The following USH1C variants were observed in gnomAD, a reference collection of about 807,000 sequenced individuals.
USH1C encodes the protein USH1 protein network component harmonin.
Under a neutral mutation model 119.3 loss-of-function variants are expected in USH1C, and 90 were observed. The observed-to-expected ratio is 0.75, with a 90% CI of 0.64 to 0.90. The LOEUF (loss-of-function observed/expected upper bound fraction) is 0.90, where lower values mean the gene tolerates loss of function less well. USH1C is among the 40% of genes least tolerant of loss of function. USH1C has a pLI of 0.00. For missense variants in USH1C, 1,165 were observed against 1,167.7 expected (o/e 1.00, Z 0.03); for synonymous variants, 465 against 443.3 (o/e 1.05, Z -0.62).
chr11:17,494,591 G>T lies in USH1C; in HGVS notation c.2656-215C>A, dbSNP rs991351391. 40 of 619,112 alleles carry T rather than the reference G, an allele frequency of 6.5e-5. No individual in the cohort carries two copies. The African/African-American group carries it at 6.7e-4, about 10-fold the overall frequency. The allele number at this position is 619,112 out of a possible 1,614,324, so 38.4% of individuals were successfully genotyped here. A position where few individuals can be genotyped will look rare whatever the true frequency, so the allele number is the denominator to read the frequency against. On this transcript the variant is annotated intron_variant, in intron 26 of 26. Coordinates refer to ENST00000005226, the MANE Select transcript of USH1C (RefSeq NM_153676.4). ...CAGGGAGAAAGCGGGAGGGACACCT[G>T]GGATGGGGGAAGGAGGAGACTGGGA...
intron 7 of USH1C, 94 bp downstream of exon 7, chr11:17,526,659 G>T: frequency 7.2e-7 from 1 of 1,397,990 alleles, no homozygotes; most frequent in African/African-American, 1.4e-5. Flanking sequence ...GCCCCTGAGG[G>T]TGCATCTCTA....
Position 17,501,885 on chromosome 11 carries a change from C to T in USH1C, c.2226+54G>A, listed in dbSNP as rs1398187922. 1.9e-6 allele frequency: 3 copies of T among 1,595,154 alleles called. No individual in the cohort carries two copies. In the East Asian group the frequency reaches 6.7e-5, roughly 36 times the overall value. On this transcript the variant is annotated intron_variant, in intron 21 of 26. Coordinates refer to ENST00000005226, the MANE Select transcript of USH1C (RefSeq NM_153676.4). Reference sequence around the variant, plus strand: ...CACCACTATCAAACCCTCTAACCCCCACACTGCCCTGTTCCTGGGGTTACT... The same window carrying T: ...CACCACTATCAAACCCTCTAACCCCTACACTGCCCTGTTCCTGGGGTTACT...
In USH1C at chr11:17,502,282, C is replaced by T. The variant is rs759238168; in HGVS notation, c.2185-302G>A. 1.6e-4 allele frequency among the ~76,000 whole-genome samples: 24 copies of T among 152,106 alleles called. 1 individual carries two copies. Among genetic ancestry groups the T allele is most frequent in the African/African-American group, 1.9e-4 (8 of 41,404 alleles). On this transcript the variant is annotated intron_variant, in intron 20 of 26. Coordinates refer to ENST00000005226, the MANE Select transcript of USH1C (RefSeq NM_153676.4). ...GTGACGTCTAGATGGTCTGGAGAGG[C>T]GGCATCTGCCTTGCTGAAAGTCTCA...
chr11:17,515,088 G>A (rs1415459722), intron 15 of USH1C, among the ~76,000 whole-genome samples: 1 of 138,414 alleles, frequency 7.2e-6, no homozygotes, highest in Admixed American at 7.4e-5. Flanking sequence ...TGTGTGTTTT[G>A]TCCTCTCTAG....
rs199572804 is a variant in USH1C at position 17,509,638 on chromosome 11, C to T, written c.1731G>A (p.Pro577=). 4.3e-5 allele frequency: 52 copies of T among 1,214,584 alleles called. No homozygotes were observed. The highest frequency in any genetic ancestry group is 9.3e-5 in the African/African-American group (4 of 43,010). The allele number at this position is 1,214,584 out of a possible 1,614,324, so 75.2% of individuals were successfully genotyped here. A position where few individuals can be genotyped will look rare whatever the true frequency, so the allele number is the denominator to read the frequency against. Residue 577 remains proline (P), a synonymous_variant, in exon 18 of 27, where the codon CCG becomes CCA. Coordinates refer to ENST00000005226, the MANE Select transcript of USH1C (RefSeq NM_153676.4). ...PPPSNPPHKV[P]APPVLPLSGH... Reference sequence around the variant, plus strand: ...CAGATAAGGGAAGGACAGGGGGCGCCGGGACCTTGTGGGGTGGGTTGGAGG... The same window carrying T: ...CAGATAAGGGAAGGACAGGGGGCGCTGGGACCTTGTGGGGTGGGTTGGAGG...
intron 11 of USH1C, 49 bp downstream of exon 11, chr11:17,523,162 G>A (rs1350668098): frequency 6.8e-6 from 11 of 1,612,282 alleles, no homozygotes; most frequent in East Asian, 6.7e-5. Context: ...AGGTCAGAGG[G>A]GCTGGGGATG....
At chr11:17,543,184 C>T (rs1007736784) in intron 1 of USH1C, among the ~76,000 whole-genome samples, 3 of 152,256 alleles carry the variant, frequency 2.0e-5, no homozygotes, top group African/African-American at 4.8e-5. Flanking sequence ...GGCCCCTACA[C>T]TGGCTAGCTC....
At chr11:17,511,508 C>T (rs1032514117) in intron 16 of USH1C, among the ~76,000 whole-genome samples, 1 of 152,158 alleles carries the variant, frequency 6.6e-6, no homozygotes, top group African/African-American at 2.4e-5. Flanking sequence ...GAGGCCCAGC[C>T]TTAGACTCTG....
chr11:17,519,677 AC>A (rs1850328037), intron 14 of USH1C, among the ~76,000 whole-genome samples: 1 of 152,214 alleles, frequency 6.6e-6, no homozygotes, highest in African/African-American at 2.4e-5. Context: ...CTCAACTGAT[AC>A]TGAATGTCAC....
At chr11:17,521,279 G>A (rs1386451802) in intron 13 of USH1C, 67 bp downstream of exon 13, 1 of 1,551,372 alleles carries the variant, frequency 6.4e-7, no homozygotes, top group Non-Finnish European at 8.9e-7. Context: ...GGCAGCCTCT[G>A]GTTGGCCACA....
At chr11:17,536,114 CT>C (rs1315206472) in intron 1 of USH1C, among the ~76,000 whole-genome samples, 1 of 152,186 alleles carries the variant, frequency 6.6e-6, no homozygotes. Context: ...AATGGGACAT[CT>C]TTTGAATGAC....
intron 1 of USH1C, among the ~76,000 whole-genome samples, chr11:17,534,292 G>C (rs981039724): frequency 1.3e-5 from 2 of 152,226 alleles, no homozygotes; most frequent in Non-Finnish European, 2.9e-5. Flanking sequence ...CTCTTTCTGT[G>C]GGTATCCCAA....
At chr11:17,534,891 A>AAAC (rs1851169246) in intron 1 of USH1C, among the ~76,000 whole-genome samples, 2 of 146,936 alleles carry the variant, frequency 1.4e-5, no homozygotes, top group Non-Finnish European at 1.5e-5. Flanking sequence ...AAAAAAAAAA[A>AAAC]AGGAGCTCCC....
intron 22 of USH1C, 23 bp from the exon 23 acceptor site, chr11:17,501,173 T>C (rs1395596796): frequency 1.9e-6 from 3 of 1,587,048 alleles, no homozygotes; most frequent in African/African-American, 2.7e-5. Context: ...AAACAGGCCT[T>C]AGGGAGCCAA....
At chr11:17,520,416 C>G in intron 14 of USH1C, among the ~76,000 whole-genome samples, 1 of 152,098 alleles carries the variant, frequency 6.6e-6, no homozygotes, top group East Asian at 1.9e-4. Flanking sequence ...TAAGCTCCTC[C>G]CACAGTTATG....
chr11:17,516,766 G>C (rs1850166665), intron 14 of USH1C: 1 of 268,086 alleles, frequency 3.7e-6, no homozygotes, highest in Admixed American at 5.0e-5. Context: ...AAACTGGCTT[G>C]TCTCATAGTG....
intron 1 of USH1C, 146 bp downstream of exon 1, chr11:17,544,126 G>A: frequency 9.8e-7 from 1 of 1,024,288 alleles, no homozygotes; most frequent in African/African-American, 1.6e-5. Context: ...CCTGCTGCCA[G>A]CCAGACGACC....
intron 12 of USH1C, among the ~76,000 whole-genome samples, chr11:17,522,343 C>T (rs1269642663): frequency 2.6e-5 from 4 of 152,150 alleles, no homozygotes; most frequent in Non-Finnish European, 5.9e-5. Context: ...TGACGTTAGA[C>T]ACAAGTGGCT....
intron 16 of USH1C, 102 bp downstream of exon 16, chr11:17,511,800 C>T: frequency 2.8e-6 from 4 of 1,403,770 alleles, no homozygotes; most frequent in Non-Finnish European, 2.9e-6. Flanking sequence ...CCCTTGTATG[C>T]CATTTGAGGA....
Sources: allele counts gnomAD v4.1 joint callset (sites outside exome capture counted in the v4.1 genomes callset), GRCh38; gene constraint gnomAD v4.1.1; transcripts MANE v1.5; gene names NCBI Gene and HGNC (gene_info 2026-07-23, HGNC 2026-07-21).